C12orf42: variants seen among roughly 807,000 people sequenced by gnomAD.
The protein encoded by C12orf42 is chromosome 12 open reading frame 42.
C12orf42 carries 25 observed loss-of-function variants against 21.6 expected under a neutral mutation model. That is an observed-to-expected ratio of 1.16 (90% CI 0.84 to 1.62). The LOEUF is 1.62. Among genes scored for constraint, C12orf42 ranks in the 40% most tolerant of loss-of-function variants. C12orf42 has a pLI of 0.00. For missense variants in C12orf42, 483 were observed against 459.3 expected, an observed-to-expected ratio of 1.05 and a Z score of -0.47; for synonymous variants, 174 against 175.0, an observed-to-expected ratio of 0.99 and a Z score of 0.05.
intron 2 of C12orf42, among the ~76,000 whole-genome samples, chr12:103,438,622 CAG>C (rs1950940815): frequency 6.6e-6 from 1 of 151,842 alleles, no homozygotes; most frequent in South Asian, 2.1e-4. Flanking sequence ...AACAGACAAA[CAG>C]AGAGCCAAAT....
At chr12:103,263,986 C>T (rs1371512263), downstream of C12orf42, among the ~76,000 whole-genome samples, 1 of 152,116 alleles carries the variant, frequency 6.6e-6, no homozygotes, top group African/African-American at 2.4e-5. Context: ...TACCATTGGA[C>T]CTGAAATGTA....
At chr12:103,147,910 G>GT in the C12orf42 span, among the ~76,000 whole-genome samples, 1 of 152,092 alleles carries the variant, frequency 6.6e-6, no homozygotes, top group Non-Finnish European at 1.5e-5. Flanking sequence ...CAACTTTGTG[G>GT]TTTAACTTTT....
intron 6 of C12orf42, among the ~76,000 whole-genome samples, chr12:103,269,325 G>C (rs556562381): frequency 6.6e-6 from 1 of 152,266 alleles, no homozygotes; most frequent in East Asian, 1.9e-4. Flanking sequence ...TGTGGCTGCA[G>C]CTTCATTTGA....
chr12:103,447,858 G>A (rs192859617), intron 2 of C12orf42, among the ~76,000 whole-genome samples: 62 of 151,910 alleles, frequency 4.1e-4, no homozygotes, highest in African/African-American at 1.4e-3. Context: ...TTGTGAAAAC[G>A]ACCATACTGC....
chr12:103,152,307 G>C, the C12orf42 span, among the ~76,000 whole-genome samples: 1 of 152,158 alleles, frequency 6.6e-6, no homozygotes, highest in Non-Finnish European at 1.5e-5. Context: ...GTATTGTTTT[G>C]AGTTGCTGAA....
At chr12:103,226,208 T>C in the C12orf42 span, among the ~76,000 whole-genome samples, 1 of 152,116 alleles carries the variant, frequency 6.6e-6, no homozygotes, top group Non-Finnish European at 1.5e-5. Flanking sequence ...GTTTGGAAGT[T>C]CTTGTGTGCT....
intron 2 of C12orf42, among the ~76,000 whole-genome samples, chr12:103,474,868 T>G (rs547388640): frequency 6.6e-6 from 1 of 152,332 alleles, no homozygotes; most frequent in East Asian, 1.9e-4. Context: ...ATTTTGAAAC[T>G]TCACAAAATT....
At chr12:103,152,157 C>A in the C12orf42 span, among the ~76,000 whole-genome samples, 1 of 152,310 alleles carries the variant, frequency 6.6e-6, no homozygotes, top group South Asian at 2.1e-4. Flanking sequence ...TAATGAATGA[C>A]CTTGGAAGAG....
intron 4 of C12orf42, among the ~76,000 whole-genome samples, chr12:103,315,522 T>G (rs2039381503): frequency 6.6e-6 from 1 of 150,972 alleles, no homozygotes; most frequent in South Asian, 2.1e-4. Context: ...CAAACTAAAA[T>G]GGAAAGAGAA....
At chr12:103,087,250 G>T in the C12orf42 span, among the ~76,000 whole-genome samples, 1 of 152,122 alleles carries the variant, frequency 6.6e-6, no homozygotes, top group Non-Finnish European at 1.5e-5. Context: ...ATTTAAGCAT[G>T]TTCATTCCAT....
intron 3 of C12orf42, among the ~76,000 whole-genome samples, chr12:103,381,713 C>G (rs887377217): frequency 6.6e-6 from 1 of 152,054 alleles, no homozygotes; most frequent in African/African-American, 2.4e-5. Flanking sequence ...GTCAGGAGAT[C>G]GAGACCATCC....
the C12orf42 span, among the ~76,000 whole-genome samples, chr12:103,222,538 A>G: frequency 6.6e-6 from 1 of 152,202 alleles, no homozygotes; most frequent in East Asian, 1.9e-4. Flanking sequence ...AGGGGATGCG[A>G]TAGCTTGGCT....
intron 3 of C12orf42, among the ~76,000 whole-genome samples, chr12:103,394,545 C>T (rs372632859): frequency 6.6e-6 from 1 of 152,178 alleles, no homozygotes; most frequent in African/African-American, 2.4e-5. Flanking sequence ...ATTTAAAATA[C>T]GTGTTTAACT....
intron 2 of C12orf42, chr12:103,476,968 A>G (rs1954100129): frequency 6.6e-6 from 1 of 152,220 alleles, no homozygotes. Context: ...AATTCAACTC[A>G]TAATTCAAAT....
intron 1 of C12orf42, among the ~76,000 whole-genome samples, chr12:103,484,518 T>C (rs2138102542): frequency 6.6e-6 from 1 of 152,302 alleles, no homozygotes; most frequent in African/African-American, 2.4e-5. Context: ...TGTTTTTTTC[T>C]TGTAATTTGT....
intron 3 of C12orf42, among the ~76,000 whole-genome samples, chr12:103,390,209 A>G (rs531687547): frequency 1.3e-5 from 2 of 152,274 alleles, no homozygotes; most frequent in Admixed American, 1.3e-4. Flanking sequence ...ACGAAATAAT[A>G]ATAGCTACCA....
the C12orf42 span, among the ~76,000 whole-genome samples, chr12:103,512,706 C>T: frequency 6.6e-6 from 1 of 152,090 alleles, no homozygotes; most frequent in African/African-American, 2.4e-5. Context: ...AGAAGTTGAT[C>T]CTTAAGAAGA....
At chr12:103,488,554 G>A (rs573953819) in intron 1 of C12orf42, among the ~76,000 whole-genome samples, 5 of 152,272 alleles carry the variant, frequency 3.3e-5, no homozygotes, top group African/African-American at 7.2e-5. Context: ...GTTTTCCAAC[G>A]TGGTTCCATT....
the C12orf42 span, among the ~76,000 whole-genome samples, chr12:103,072,742 C>A: frequency 6.4e-4 from 98 of 152,260 alleles, 1 homozygote; most frequent in Admixed American, 1.8e-3. Context: ...ATAAGCGTAT[C>A]TTTTTCTCCA....
Sources: allele counts gnomAD v4.1 joint callset (sites outside exome capture counted in the v4.1 genomes callset), GRCh38; gene constraint gnomAD v4.1.1; transcripts MANE v1.5; gene names NCBI Gene and HGNC (gene_info 2026-07-23, HGNC 2026-07-21).